WWP2: variants seen among roughly 807,000 people sequenced by gnomAD.
WWP2 encodes the protein NEDD4-like E3 ubiquitin-protein ligase WWP2.
A neutral mutation model predicts 121.0 loss-of-function variants in WWP2; 57 were observed. The ratio of observed to expected loss-of-function variants is 0.47; its 90% CI spans 0.38 to 0.59. The LOEUF is 0.59. Among genes scored for constraint, WWP2 ranks in the 20% least tolerant of loss-of-function variants. The pLI, the probability that WWP2 is intolerant of heterozygous loss-of-function variation, is 0.00. For missense variants in WWP2, 962 were observed against 1,158.9 expected, an observed-to-expected ratio of 0.83 and a Z score of 2.47; for synonymous variants, 449 against 441.3, an observed-to-expected ratio of 1.02 and a Z score of -0.22.
intron 7 of WWP2, among the ~76,000 whole-genome samples, chr16:69,875,939 G>T (rs550091565): frequency 5.1e-4 from 78 of 152,008 alleles, no homozygotes; most frequent in Non-Finnish European, 6.8e-4. Flanking sequence ...GTCCTTTTTA[G>T]TTTTTATTTA....
At chr16:69,819,082 A>G (rs573136878) in intron 4 of WWP2, among the ~76,000 whole-genome samples, 1 of 152,266 alleles carries the variant, frequency 6.6e-6, no homozygotes, top group African/African-American at 2.4e-5. Context: ...TTTCTGTCCC[A>G]TCAGCACCTC....
intron 4 of WWP2, among the ~76,000 whole-genome samples, chr16:69,836,378 G>T (rs1487561771): frequency 1.3e-5 from 2 of 151,832 alleles, no homozygotes; most frequent in East Asian, 3.9e-4. Context: ...TCACATTCTG[G>T]CATCTGATTG....
chr16:69,863,363 G>A (rs1210501959), intron 6 of WWP2, among the ~76,000 whole-genome samples: 1 of 152,176 alleles, frequency 6.6e-6, no homozygotes, highest in Non-Finnish European at 1.5e-5. Flanking sequence ...AGAAAGGCTG[G>A]GCGTGATGGC....
rs1186524809 is a variant in WWP2 at position 69,769,316 on chromosome 16, C to CAA, written c.-16+6946_-16+6947dup. ...TGGGTGACAGAGCAAGACTCCATCT[C>CAA]AAAAAAAAAAAAAAAAAAAAAATAG... is the stretch of plus-strand genomic sequence containing the variant. On this transcript the variant is annotated intron_variant, in intron 1 of 23. Transcript: ENST00000359154. 5.4e-3 allele frequency among the ~76,000 whole-genome samples: 410 copies of CAA among 76,306 alleles called. 8 individuals carry two copies. In the East Asian group the frequency reaches 0.057, roughly 11 times the overall value. 50.1% of individuals were successfully genotyped at this position (76,306 alleles called of 152,430 possible).
intron 2 of WWP2, among the ~76,000 whole-genome samples, chr16:69,792,259 A>G (rs1317812014): frequency 6.6e-6 from 1 of 152,192 alleles, no homozygotes; most frequent in African/African-American, 2.4e-5. Flanking sequence ...AGAAACACTG[A>G]AAAACTGATC....
In WWP2 at chr16:69,842,116, T is replaced by A. The variant is rs752795485; in HGVS notation, c.571T>A (p.Ser191Thr). The A allele has an allele frequency of 6.2e-7, 1 of 1,612,216 alleles. No individual in the cohort carries two copies. ...PPSTNCFGGRSRTHRHSGASA... is the reference protein window; with the variant it reads ...PPSTNCFGGRTRTHRHSGASA... ...CAGCACAAACTGCTTTGGTGGAAGA[T>A]CCCGGTAAGACCCCCCTTGGTGAGG... The change falls in exon 6 of 24, where the codon TCC (serine) becomes ACC (threonine). Residue 191 changes from serine (S) to threonine (T), a missense_variant. By Grantham distance (58) the Ser-to-Thr change is moderately conservative (BLOSUM62 1). Coordinates refer to ENST00000359154, the MANE Select transcript of WWP2 (RefSeq NM_001270454.2).
intron 4 of WWP2, among the ~76,000 whole-genome samples, chr16:69,801,952 C>T (rs1469463853): frequency 2.0e-5 from 3 of 150,858 alleles, no homozygotes; most frequent in African/African-American, 2.4e-5. Flanking sequence ...TTTTCTGAGA[C>T]GGAGTCTTGC....
intron 8 of WWP2, among the ~76,000 whole-genome samples, chr16:69,888,988 G>A (rs2057978044): frequency 6.6e-6 from 1 of 152,160 alleles, no homozygotes; most frequent in Non-Finnish European, 1.5e-5. Context: ...TTACAGGCAG[G>A]AGCCACCACA....
chr16:69,814,389 C>T (rs1404583914), intron 4 of WWP2, among the ~76,000 whole-genome samples: 3 of 152,142 alleles, frequency 2.0e-5, no homozygotes, highest in African/African-American at 7.2e-5. Flanking sequence ...TCCAACTCAG[C>T]TCCACAGGGC....
intron 4 of WWP2, among the ~76,000 whole-genome samples, chr16:69,832,645 T>C (rs2056814351): frequency 6.6e-6 from 1 of 152,162 alleles, no homozygotes; most frequent in African/African-American, 2.4e-5. Context: ...TGGGTTCAAG[T>C]GATTCTTGTG....
chr16:69,775,920 C>T (rs192762789), intron 1 of WWP2, among the ~76,000 whole-genome samples: 2 of 152,318 alleles, frequency 1.3e-5, no homozygotes, highest in African/African-American at 4.8e-5. Flanking sequence ...ATTGCTGTAA[C>T]TGTTGGTATC....
Position 69,828,728 on chromosome 16 carries a change from T to C in WWP2, c.341-11398T>C, listed in dbSNP as rs1161211405. Among the ~76,000 whole-genome samples the C allele has an allele frequency of 2.6e-5, 4 of 152,218 alleles. No individual in the cohort carries two copies. The East Asian group carries it at 7.7e-4, about 29-fold the overall frequency. On this transcript the variant is annotated intron_variant, in intron 4 of 23. Transcript: ENST00000359154. ...GTTAGCAAGGCTGGTCTTGAACTCCTCACCTCAGGTGATCCACCCGTCTTG... is the reference window on the plus strand; with the variant it reads ...GTTAGCAAGGCTGGTCTTGAACTCCCCACCTCAGGTGATCCACCCGTCTTG...
intron 9 of WWP2, among the ~76,000 whole-genome samples, chr16:69,913,953 T>G (rs1416680612): frequency 6.6e-6 from 1 of 151,244 alleles, no homozygotes; most frequent in Non-Finnish European, 1.5e-5. Flanking sequence ...TTGCCTATAA[T>G]CCCAGCTACT....
intron 1 of WWP2, among the ~76,000 whole-genome samples, chr16:69,772,011 G>A (rs1393093385): frequency 7.0e-6 from 1 of 142,694 alleles, no homozygotes; most frequent in Admixed American, 7.4e-5. Flanking sequence ...GCCCAGGCTG[G>A]AGTGTAATGG....
At chr16:69,792,570 G>T (rs1314796350) in intron 2 of WWP2, among the ~76,000 whole-genome samples, 1 of 152,130 alleles carries the variant, frequency 6.6e-6, no homozygotes, top group Admixed American at 6.6e-5. Context: ...TTAACTGTAG[G>T]TTACAAATGT....
intron 8 of WWP2, among the ~76,000 whole-genome samples, chr16:69,904,153 AGAG>A (rs1421389430): frequency 6.6e-6 from 1 of 152,260 alleles, no homozygotes; most frequent in African/African-American, 2.4e-5. Flanking sequence ...AGATGAATAA[AGAG>A]GGTATCAGAT....
intron 8 of WWP2, among the ~76,000 whole-genome samples, chr16:69,893,078 T>TC: frequency 6.6e-6 from 1 of 152,336 alleles, no homozygotes; most frequent in East Asian, 1.9e-4. Flanking sequence ...CTTAGGATCC[T>TC]CCCCCATGCT....
chr16:69,929,203 A>G (rs1008417487), intron 11 of WWP2, among the ~76,000 whole-genome samples: 2 of 152,104 alleles, frequency 1.3e-5, no homozygotes, highest in Non-Finnish European at 1.5e-5. Flanking sequence ...AATCAACCAA[A>G]GAAGTGCTTC....
At chr16:69,881,552 T>C (rs2057830158) in intron 7 of WWP2, among the ~76,000 whole-genome samples, 1 of 152,240 alleles carries the variant, frequency 6.6e-6, no homozygotes, top group Non-Finnish European at 1.5e-5. Flanking sequence ...TATTTTAGCA[T>C]TGGCAAATGT....
Sources: allele counts gnomAD v4.1 joint callset (sites outside exome capture counted in the v4.1 genomes callset), GRCh38; gene constraint gnomAD v4.1.1; transcripts MANE v1.5; gene names NCBI Gene and HGNC (gene_info 2026-07-23, HGNC 2026-07-21).